Variants in TIAM2 observed in about 807,000 individuals in gnomAD.
TIAM2 encodes the protein rho guanine nucleotide exchange factor TIAM2.
TIAM2 carries 80 observed loss-of-function variants against 152.9 expected under a neutral mutation model. The ratio of observed to expected loss-of-function variants is 0.52; its 90% CI spans 0.44 to 0.63. TIAM2 has a LOEUF of 0.63. Among genes scored for constraint, TIAM2 ranks in the 30% least tolerant of loss-of-function variants. TIAM2 has a pLI of 0.00. For missense variants in TIAM2, 1,965 were observed against 2,120.1 expected (o/e 0.93, Z 1.44); for synonymous variants, 804 against 838.0 (o/e 0.96, Z 0.70).
intron 1 of TIAM2, among the ~76,000 whole-genome samples, chr6:155,026,616 T>C (rs763456764): frequency 6.6e-6 from 1 of 152,248 alleles, no homozygotes; most frequent in Non-Finnish European, 1.5e-5. Flanking sequence ...CTTGAGGGAC[T>C]GACTCATCCA....
intron 14 of TIAM2, among the ~76,000 whole-genome samples, chr6:155,205,349 C>T (rs77254753): frequency 8.6e-5 from 13 of 151,992 alleles, no homozygotes; most frequent in Admixed American, 1.3e-4. Flanking sequence ...ATTGCTGTTC[C>T]GGAGAACTGG....
At chr6:155,070,107 A>G (rs1041286522) in intron 1 of TIAM2, among the ~76,000 whole-genome samples, 1 of 146,162 alleles carries the variant, frequency 6.8e-6, no homozygotes, top group Non-Finnish European at 1.5e-5. Context: ...GGGTTTCACT[A>G]TGTTGGCCAG....
chr6:154,999,579 A>G (rs1778279194), intron 1 of TIAM2, among the ~76,000 whole-genome samples: 1 of 152,234 alleles, frequency 6.6e-6, no homozygotes, highest in African/African-American at 2.4e-5. Flanking sequence ...AAGCGTAATG[A>G]AAAAGCTCAG....
chr6:155,029,371 CTATATATACTATGTTA>C (rs1306686800), intron 1 of TIAM2, among the ~76,000 whole-genome samples: 3 of 80,748 alleles, frequency 3.7e-5, no homozygotes, highest in African/African-American at 1.3e-4. Context: ...ATAATATATA[CTATATATACTATGTTA>C]TATATATACT....
chr6:155,162,087 A>G (rs900132389), intron 7 of TIAM2, among the ~76,000 whole-genome samples: 5 of 151,926 alleles, frequency 3.3e-5, no homozygotes, highest in Admixed American at 2.6e-4. Flanking sequence ...CCTCTCAAGT[A>G]GCTGGGACTA....
At chr6:155,250,109 G>T in intron 21 of TIAM2, 140 bp downstream of exon 21, 1 of 609,628 alleles carries the variant, frequency 1.6e-6, no homozygotes. Context: ...TGTGTCTAAT[G>T]AACTACACAA....
intron 1 of TIAM2, among the ~76,000 whole-genome samples, chr6:155,057,005 T>G (rs1777466091): frequency 7.0e-6 from 1 of 142,918 alleles, no homozygotes; most frequent in South Asian, 2.3e-4. Flanking sequence ...AGAATGTTCC[T>G]CAGTTTTCTT....
At chr6:155,013,467 G>T (rs541667524) in intron 1 of TIAM2, among the ~76,000 whole-genome samples, 1 of 152,170 alleles carries the variant, frequency 6.6e-6, no homozygotes, top group Non-Finnish European at 1.5e-5. Flanking sequence ...TCTGCATCTG[G>T]CGCTGTGCTA....
At chr6:155,081,315 T>C (rs1049157214) in intron 1 of TIAM2, among the ~76,000 whole-genome samples, 1 of 151,746 alleles carries the variant, frequency 6.6e-6, no homozygotes, top group Non-Finnish European at 1.5e-5. Context: ...CCCCCGCCCA[T>C]GTACTTACAG....
chr6:155,084,132 G>A (rs1032594348), intron 1 of TIAM2, among the ~76,000 whole-genome samples: 1 of 152,218 alleles, frequency 6.6e-6, no homozygotes, highest in Non-Finnish European at 1.5e-5. Flanking sequence ...GGCACTGCAT[G>A]TAGGTAATTT....
chr6:155,177,655 A>C (rs1213569823), intron 10 of TIAM2, among the ~76,000 whole-genome samples: 1 of 152,256 alleles, frequency 6.6e-6, no homozygotes, highest in Non-Finnish European at 1.5e-5. Context: ...GGCAACACTT[A>C]ATCATGTGCA....
intron 1 of TIAM2, among the ~76,000 whole-genome samples, chr6:155,028,098 TATATA>T (rs1359370629): frequency 3.9e-5 from 4 of 102,052 alleles, no homozygotes; most frequent in East Asian, 3.1e-4. Context: ...ATATATACTA[TATATA>T]ATATATGTAC....
At chr6:155,241,775 G>C (rs1227417147) in intron 16 of TIAM2, among the ~76,000 whole-genome samples, 1 of 152,172 alleles carries the variant, frequency 6.6e-6, no homozygotes, top group Non-Finnish European at 1.5e-5. Context: ...AGGGTGTGGA[G>C]ATGAAGTGAA....
chr6:155,032,932 T>C (rs558881167), intron 1 of TIAM2, among the ~76,000 whole-genome samples: 2 of 152,352 alleles, frequency 1.3e-5, no homozygotes, highest in Admixed American at 1.3e-4. Context: ...CATTTCCCCC[T>C]GAAATTTTCT....
intron 19 of TIAM2, among the ~76,000 whole-genome samples, chr6:155,246,271 T>C (rs929642349): frequency 1.7e-4 from 26 of 152,132 alleles, no homozygotes; most frequent in African/African-American, 6.0e-4. Flanking sequence ...ACGCCCTTAG[T>C]GCTCATTCAT....
chr6:155,153,447 A>AG (rs1780022177), intron 7 of TIAM2, among the ~76,000 whole-genome samples: 1 of 151,906 alleles, frequency 6.6e-6, no homozygotes, highest in Non-Finnish European at 1.5e-5. Context: ...TTTCTGAAAA[A>AG]GAAAAAAAAA....
intron 14 of TIAM2, among the ~76,000 whole-genome samples, chr6:155,194,054 A>G (rs1781274683): frequency 6.6e-6 from 1 of 152,268 alleles, no homozygotes; most frequent in Admixed American, 6.5e-5. Context: ...ATGGAGCAGC[A>G]ACACAGAGGA....
intron 7 of TIAM2, among the ~76,000 whole-genome samples, chr6:155,159,244 T>A (rs1780202040): frequency 6.6e-6 from 1 of 151,910 alleles, no homozygotes; most frequent in African/African-American, 2.4e-5. Context: ...TGAGTGAGAG[T>A]GTGGTAGTCT....
intron 1 of TIAM2, among the ~76,000 whole-genome samples, chr6:155,079,608 T>TG (rs111865043): frequency 6.6e-6 from 1 of 152,202 alleles, no homozygotes; most frequent in Non-Finnish European, 1.5e-5. Flanking sequence ...TTGTGAAACT[T>TG]GGAGCTGACT....
Sources: allele counts gnomAD v4.1 joint callset (sites outside exome capture counted in the v4.1 genomes callset), GRCh38; gene constraint gnomAD v4.1.1; transcripts MANE v1.5; gene names NCBI Gene and HGNC (gene_info 2026-07-23, HGNC 2026-07-21).